CTCF: variants seen among roughly 807,000 people sequenced by gnomAD.
CTCF encodes the protein transcriptional repressor CTCF.
In CTCF, 7 loss-of-function variants were observed where a neutral mutation model predicts 72.3. That is an observed-to-expected ratio of 0.10 (90% CI 0.06 to 0.18). The LOEUF is 0.18. Ranked by LOEUF, CTCF falls within the 10% of genes least tolerant of loss-of-function variation. The probability of loss-of-function intolerance (pLI) is 1.00; values close to 1 mark genes in which losing one functional copy is unlikely to be tolerated. For missense variants in CTCF, 516 were observed against 949.1 expected (o/e 0.54, Z 6.00); for synonymous variants, 374 against 315.8 (o/e 1.18, Z -1.95).
At chr16:67,581,367 T>C in intron 2 of CTCF, among the ~76,000 whole-genome samples, 1 of 151,118 alleles carries the variant, frequency 6.6e-6, no homozygotes, top group Non-Finnish European at 1.5e-5. Context: ...CCGTCTCCCG[T>C]GCTGGAGTGC....
intron 2 of CTCF, among the ~76,000 whole-genome samples, chr16:67,598,795 A>G (rs2051848127): frequency 6.6e-6 from 1 of 152,244 alleles, no homozygotes; most frequent in Non-Finnish European, 1.5e-5. Flanking sequence ...TTCTGGGATA[A>G]AGCCTAGACT....
intron 10 of CTCF, among the ~76,000 whole-genome samples, chr16:67,633,804 AC>A (rs1567618620): frequency 6.6e-6 from 1 of 151,784 alleles, no homozygotes; most frequent in African/African-American, 2.4e-5. Flanking sequence ...ACACACACAC[AC>A]ACACACACAC....
chr16:67,601,395 G>C (rs1470169052), intron 2 of CTCF, among the ~76,000 whole-genome samples: 1 of 151,330 alleles, frequency 6.6e-6, no homozygotes, highest in Non-Finnish European at 1.5e-5. Context: ...CTGGAGTGCA[G>C]TGGCGTGATC....
chr16:67,563,768 C>T (rs912857146), intron 1 of CTCF: 3 of 152,218 alleles, frequency 2.0e-5, no homozygotes, highest in African/African-American at 4.8e-5. Flanking sequence ...GGCTAAGTCC[C>T]TTGAGTTTCC....
chr16:67,579,882 A>C (rs894905225), intron 2 of CTCF, among the ~76,000 whole-genome samples: 2 of 152,282 alleles, frequency 1.3e-5, no homozygotes, highest in African/African-American at 4.8e-5. Context: ...TACTGAAAGA[A>C]GTTCAGTGTG....
At chr16:67,573,306 G>C (rs965376036) in intron 2 of CTCF, among the ~76,000 whole-genome samples, 1 of 151,904 alleles carries the variant, frequency 6.6e-6, no homozygotes, top group Non-Finnish European at 1.5e-5. Flanking sequence ...GTGCGTGCCT[G>C]TAATCCCAAC....
intron 2 of CTCF, among the ~76,000 whole-genome samples, chr16:67,583,338 G>A (rs2051616719): frequency 6.6e-6 from 1 of 152,074 alleles, no homozygotes; most frequent in East Asian, 1.9e-4. Flanking sequence ...CCCCAATAAG[G>A]AAGGAGGAAA....
chr16:67,597,196 A>T (rs745790827), intron 2 of CTCF, among the ~76,000 whole-genome samples: 25 of 151,990 alleles, frequency 1.6e-4, no homozygotes, highest in Non-Finnish European at 2.8e-4. Context: ...CACCATGCCC[A>T]GCTGACTTTT....
rs66893507 is a variant in CTCF at position 67,636,569 on chromosome 16, G to GTATATATATA, written c.1838-109_1838-100dup. The GTATATATATA allele has an allele frequency of 0.014, 3,522 of 244,438 alleles. 134 individuals are homozygous for GTATATATATA. Among genetic ancestry groups the GTATATATATA allele is most frequent in the African/African-American group, 0.084 (3,245 of 38,666 alleles). The allele number at this position is 244,438 out of a possible 1,614,324, so 15.1% of individuals were successfully genotyped here. On this transcript the variant is annotated intron_variant, in intron 10 of 11. Coordinates refer to ENST00000264010, the MANE Select transcript of CTCF (RefSeq NM_006565.4). Reference sequence around the variant, plus strand: ...TCAAAAAAAAAAAAAGAAAGAAAGTGTATATATATATATATATATATTTAT... The same window carrying GTATATATATA: ...TCAAAAAAAAAAAAAGAAAGAAAGTGTATATATATATATATATATATATATATATATTTAT...
intron 1 of CTCF, chr16:67,563,934 A>G (rs1187764535): frequency 1.3e-5 from 2 of 152,172 alleles, no homozygotes; most frequent in African/African-American, 4.8e-5. Context: ...CCATGCGATG[A>G]AATATGAGGG....
At chr16:67,570,635 G>T (rs1166927959) in intron 1 of CTCF, 1 of 150,200 alleles carries the variant, frequency 6.7e-6, no homozygotes, top group Non-Finnish European at 1.5e-5. Context: ...TACAGACGGG[G>T]TTTCACCATG....
At chr16:67,580,038 A>G (rs2051558836) in intron 2 of CTCF, among the ~76,000 whole-genome samples, 1 of 152,092 alleles carries the variant, frequency 6.6e-6, no homozygotes, top group African/African-American at 2.4e-5. Context: ...ATGGATTTAC[A>G]TTTTAGAAAT....
At chr16:67,630,424 C>G (rs1483573539) in intron 10 of CTCF, among the ~76,000 whole-genome samples, 1 of 152,068 alleles carries the variant, frequency 6.6e-6, no homozygotes, top group Non-Finnish European at 1.5e-5. Flanking sequence ...TTTTGCCTCT[C>G]TAGTCATGAA....
At chr16:67,582,957 T>C (rs907501421) in intron 2 of CTCF, among the ~76,000 whole-genome samples, 10 of 151,618 alleles carry the variant, frequency 6.6e-5, no homozygotes, top group Admixed American at 5.9e-4. Context: ...AACTTAAATC[T>C]CCAATTTCTT....
chr16:67,631,141 T>A (rs2052356199), intron 10 of CTCF, among the ~76,000 whole-genome samples: 1 of 151,516 alleles, frequency 6.6e-6, no homozygotes, highest in Non-Finnish European at 1.5e-5. Flanking sequence ...TGGGCTTTTT[T>A]TGTTCTTTGT....
At chr16:67,566,679 C>A (rs1327957927) in intron 1 of CTCF, among the ~76,000 whole-genome samples, 1 of 149,830 alleles carries the variant, frequency 6.7e-6, no homozygotes, top group African/African-American at 2.5e-5. Context: ...CAGGTTCACG[C>A]CATTCTCCTG....
At chr16:67,583,042 T>C (rs1031014897) in intron 2 of CTCF, among the ~76,000 whole-genome samples, 3 of 149,870 alleles carry the variant, frequency 2.0e-5, no homozygotes, top group African/African-American at 7.4e-5. Flanking sequence ...TGGAGTGCAG[T>C]GGTGCGATCT....
At chr16:67,580,942 T>G (rs933643752) in intron 2 of CTCF, among the ~76,000 whole-genome samples, 3 of 149,970 alleles carry the variant, frequency 2.0e-5, no homozygotes, top group African/African-American at 7.4e-5. Context: ...TATTTATTTA[T>G]TTTTGAGATG....
At chr16:67,593,760 T>G (rs1214301434) in intron 2 of CTCF, among the ~76,000 whole-genome samples, 4 of 152,190 alleles carry the variant, frequency 2.6e-5, no homozygotes, top group African/African-American at 9.7e-5. Flanking sequence ...CCCCTTATAA[T>G]GGATAGTAAG....
Sources: gnomAD v4.1 joint callset for allele counts (sites outside exome capture counted in the v4.1 genomes callset) on GRCh38, gnomAD v4.1.1 for gene constraint, MANE v1.5 for transcripts, NCBI Gene and HGNC (gene_info 2026-07-23, HGNC 2026-07-21) for gene names.